Variants in OLA1 observed in about 807,000 individuals in gnomAD.
OLA1 encodes obg-like ATPase 1.
A neutral mutation model predicts 48.4 loss-of-function variants in OLA1; 14 were observed. That is an observed-to-expected ratio of 0.29 (90% CI 0.19 to 0.45). The LOEUF is 0.45. OLA1 is among the 20% of genes least tolerant of loss of function. OLA1 has a pLI of 1.00. For missense variants in OLA1, 325 were observed against 467.1 expected (o/e 0.70, Z 2.80); for synonymous variants, 127 against 150.4 (o/e 0.84, Z 1.14).
At chr2:174,185,906 G>A (rs1687647381) in intron 4 of OLA1, among the ~76,000 whole-genome samples, 1 of 151,924 alleles carries the variant, frequency 6.6e-6, no homozygotes, top group Non-Finnish European at 1.5e-5. Context: ...CAGCCTAGAT[G>A]ACAAAGCAAG....
intron 2 of OLA1, among the ~76,000 whole-genome samples, chr2:174,243,368 G>A (rs1166123494): frequency 1.3e-5 from 2 of 152,200 alleles, no homozygotes; most frequent in Non-Finnish European, 2.9e-5. Context: ...GATTTAGGCT[G>A]CAGTGAGCCA....
At chr2:174,155,770 G>A (rs1029828311) in intron 4 of OLA1, among the ~76,000 whole-genome samples, 1 of 152,198 alleles carries the variant, frequency 6.6e-6, no homozygotes, top group African/African-American at 2.4e-5. Flanking sequence ...CGAGAGAGCA[G>A]GGATAGATCA....
At chr2:174,213,494 GA>G (rs149626018) in intron 4 of OLA1, among the ~76,000 whole-genome samples, 9,534 of 145,266 alleles carry the variant, frequency 0.066, 354 homozygotes, top group Middle Eastern at 0.14. Context: ...TGTGTCAAAA[GA>G]AAAAAAAAAG....
At chr2:174,164,616 A>G (rs1204531681) in intron 4 of OLA1, among the ~76,000 whole-genome samples, 2 of 152,196 alleles carry the variant, frequency 1.3e-5, no homozygotes, top group Non-Finnish European at 2.9e-5. Context: ...TAGGTTCTTA[A>G]AATTTTTTAA....
chr2:174,239,928 C>G (rs1043236512), intron 2 of OLA1, among the ~76,000 whole-genome samples: 1 of 151,254 alleles, frequency 6.6e-6, no homozygotes, highest in African/African-American at 2.4e-5. Context: ...ATGCAACATA[C>G]AATTATGGAT....
chr2:174,119,002 T>C (rs1036566391), intron 7 of OLA1, among the ~76,000 whole-genome samples: 2 of 151,954 alleles, frequency 1.3e-5, no homozygotes, highest in African/African-American at 4.8e-5. Flanking sequence ...CGAAAGAATA[T>C]TCAAAACCCA....
At chr2:174,102,339 A>G (rs1057026360) in intron 7 of OLA1, among the ~76,000 whole-genome samples, 1 of 152,128 alleles carries the variant, frequency 6.6e-6, no homozygotes, top group East Asian at 1.9e-4. Flanking sequence ...GCAAGTGAAA[A>G]AAGTTAACAA....
chr2:174,168,012 AG>A (rs1206934186), intron 4 of OLA1, among the ~76,000 whole-genome samples: 1 of 152,250 alleles, frequency 6.6e-6, no homozygotes, highest in Non-Finnish European at 1.5e-5. Flanking sequence ...TGGAGAGCAA[AG>A]GAAATCAGAA....
chr2:174,113,269 G>T (rs571058451), intron 7 of OLA1, among the ~76,000 whole-genome samples: 1 of 152,126 alleles, frequency 6.6e-6, no homozygotes, highest in East Asian at 1.9e-4. Flanking sequence ...AACAAATTAT[G>T]GTTTGCTATA....
chr2:174,191,168 T>A (rs1217281748), intron 4 of OLA1, among the ~76,000 whole-genome samples: 1 of 152,034 alleles, frequency 6.6e-6, no homozygotes, highest in Non-Finnish European at 1.5e-5. Flanking sequence ...AACACCTTGA[T>A]TTAGCCAATC....
Position 174,223,024 on chromosome 2 carries a change from T to G in OLA1, c.373+9A>C. ...TGAAATCAATGATTAAATAAACAAC[T>G]GTACTTACGTGTTAGATGAAAGATG... On this transcript the variant is annotated intron_variant, in intron 4 of 10. Transcript: ENST00000284719. The G allele has an allele frequency of 1.7e-5, 27 of 1,602,556 alleles. No individual in the cohort carries two copies. Among genetic ancestry groups the G allele is most frequent in the Middle Eastern group, 1.8e-4 (1 of 5,428 alleles).
intron 4 of OLA1, chr2:174,217,789 G>A (rs1688400980): frequency 1.3e-5 from 2 of 151,752 alleles, no homozygotes; most frequent in South Asian, 4.2e-4. Context: ...TCTTTTTTTG[G>A]ACTGCCTTCT....
intron 7 of OLA1, among the ~76,000 whole-genome samples, chr2:174,093,468 C>CAA (rs34677839): frequency 6.2e-4 from 91 of 147,264 alleles, no homozygotes; most frequent in African/African-American, 8.5e-4. Flanking sequence ...GACCTCTTCT[C>CAA]AAAAAAAAAA....
intron 2 of OLA1, among the ~76,000 whole-genome samples, chr2:174,236,507 G>A (rs1688854142): frequency 6.6e-6 from 1 of 152,148 alleles, no homozygotes; most frequent in Non-Finnish European, 1.5e-5. Context: ...GAAAAAGACT[G>A]GAGAAAGAAA....
At chr2:174,210,536 A>C (rs1194027695) in intron 4 of OLA1, among the ~76,000 whole-genome samples, 1 of 152,168 alleles carries the variant, frequency 6.6e-6, no homozygotes, top group Non-Finnish European at 1.5e-5. Context: ...GTCTACTCAT[A>C]AGGTATAAGG....
rs11558989 is a variant in OLA1 at position 174,229,377 on chromosome 2, G to T, written c.176C>A (p.Pro59His). ...TGGCACAGGTACTCTGCTCTCATTA[G>T]GATCAATAGTGCAGAACGGGAAGTT... ...AENFPFCTID[P>H]NESRVPVPDE... Residue 59 changes from proline to histidine, a missense_variant, in exon 3 of 11, where the codon CCT (proline) becomes CAT (histidine). Coordinates refer to ENST00000284719, the MANE Select transcript of OLA1 (RefSeq NM_013341.5). The T allele has an allele frequency of 6.2e-7, 1 of 1,612,466 alleles. No individual in the cohort carries two copies. The highest frequency in any genetic ancestry group is 1.1e-5 in the South Asian group (1 of 91,030).
intron 10 of OLA1, among the ~76,000 whole-genome samples, chr2:174,077,363 T>TACAC (rs758575734): frequency 1.2e-4 from 18 of 150,180 alleles, no homozygotes; most frequent in African/African-American, 2.9e-4. Context: ...CATACATACA[T>TACAC]ACACACACAT....
intron 4 of OLA1, among the ~76,000 whole-genome samples, chr2:174,144,982 A>AT (rs1372998057): frequency 4.0e-4 from 52 of 130,288 alleles, no homozygotes; most frequent in African/African-American, 1.1e-3. Flanking sequence ...ATATATATAT[A>AT]ATCACGGAAT....
chr2:174,080,273 A>G (rs1684829811), intron 9 of OLA1, among the ~76,000 whole-genome samples: 1 of 152,094 alleles, frequency 6.6e-6, no homozygotes, highest in Admixed American at 6.6e-5. Flanking sequence ...AAATTACAGT[A>G]GTCACTGAAA....
Sources: allele counts gnomAD v4.1 joint callset (sites outside exome capture counted in the v4.1 genomes callset), GRCh38; gene constraint gnomAD v4.1.1; transcripts MANE v1.5; gene names NCBI Gene and HGNC (gene_info 2026-07-23, HGNC 2026-07-21).